Variants in SH3RF3 observed in about 807,000 individuals in gnomAD.
SH3RF3 encodes the protein SH3 domain containing ring finger 3, also known as E3 ubiquitin-protein ligase SH3RF3.
A neutral mutation model predicts 66.3 loss-of-function variants in SH3RF3; 29 were observed. The ratio of observed to expected loss-of-function variants is 0.44; its 90% CI spans 0.33 to 0.60. The LOEUF is 0.60. SH3RF3 is among the 20% of genes least tolerant of loss of function. The probability of loss-of-function intolerance (pLI) is 0.04; values close to 1 mark genes in which losing one functional copy is unlikely to be tolerated. For synonymous variants in SH3RF3, 583 were observed against 532.0 expected (o/e 1.10, Z -1.32); for missense variants, 1,194 against 1,190.9 (o/e 1.00, Z -0.04).
chr2:109,249,243 T>G (rs116238396), intron 1 of SH3RF3, among the ~76,000 whole-genome samples: 186 of 152,336 alleles, frequency 1.2e-3, no homozygotes, highest in Non-Finnish European at 2.2e-3. Context: ...CTGTTCTTTC[T>G]TCAGGTTTCT....
rs1027034796 is a variant in SH3RF3, at chr2:109,347,544, T to C, written c.574-130T>C. ...CTGTTTCTTTAAAATATTTTCCACT[T>C]GCGGGGCACTCTGTATGCACCCCCA... On this transcript the variant is annotated intron_variant, in intron 1 of 9. Coordinates refer to ENST00000309415, the MANE Select transcript of SH3RF3 (RefSeq NM_001099289.3). The C allele has an allele frequency of 2.4e-6, 3 of 1,244,666 alleles. No homozygotes were observed. In the Admixed American group the frequency reaches 8.4e-5, roughly 35 times the overall value. 77.1% of individuals were successfully genotyped at this position (1,244,666 alleles called of 1,614,324 possible). A position where few individuals can be genotyped will look rare whatever the true frequency, so the allele number is the denominator to read the frequency against.
At chr2:109,419,501 CTG>C (rs748592265) in intron 4 of SH3RF3, 36 bp from the exon 5 acceptor site, 4 of 1,546,328 alleles carry the variant, frequency 2.6e-6, no homozygotes, top group South Asian at 2.4e-5. Context: ...GATGGAGTCT[CTG>C]TCTCCTCACT....
At chr2:109,192,989 C>T (rs1431480551) in intron 1 of SH3RF3, among the ~76,000 whole-genome samples, 3 of 152,190 alleles carry the variant, frequency 2.0e-5, no homozygotes, top group African/African-American at 7.2e-5. Flanking sequence ...CCTCTTGTGA[C>T]TTGGAAACCT....
At chr2:109,316,719 CA>C (rs1264149113) in intron 1 of SH3RF3, among the ~76,000 whole-genome samples, 1 of 152,182 alleles carries the variant, frequency 6.6e-6, no homozygotes, top group Non-Finnish European at 1.5e-5. Flanking sequence ...CGGGTTTGGA[CA>C]AATCTATAAT....
At chr2:109,150,436 C>T (rs1363660053) in intron 1 of SH3RF3, among the ~76,000 whole-genome samples, 1 of 152,142 alleles carries the variant, frequency 6.6e-6, no homozygotes, top group African/African-American at 2.4e-5. Context: ...CTACTCTGCT[C>T]ATTATTTCAC....
intron 1 of SH3RF3, among the ~76,000 whole-genome samples, chr2:109,161,226 C>T (rs1677480324): frequency 6.6e-6 from 1 of 152,150 alleles, no homozygotes; most frequent in Non-Finnish European, 1.5e-5. Flanking sequence ...TGGGGAATCC[C>T]CACCTTATAA....
chr2:109,243,892 A>G (rs943649249), intron 1 of SH3RF3, among the ~76,000 whole-genome samples: 8 of 152,180 alleles, frequency 5.3e-5, no homozygotes, highest in Non-Finnish European at 1.2e-4. Context: ...TAGATGAGTG[A>G]GTAGTGAGTG....
intron 4 of SH3RF3, among the ~76,000 whole-genome samples, chr2:109,415,838 C>G (rs1434017017): frequency 6.6e-6 from 1 of 152,168 alleles, no homozygotes; most frequent in African/African-American, 2.4e-5. Flanking sequence ...CTCTGAAATT[C>G]ATGTTGAAAT....
At chr2:109,444,471 A>G (rs760938988) in intron 7 of SH3RF3, among the ~76,000 whole-genome samples, 1 of 152,208 alleles carries the variant, frequency 6.6e-6, no homozygotes. Flanking sequence ...TGTGAGAATC[A>G]GGGGACCAGA....
intron 1 of SH3RF3, among the ~76,000 whole-genome samples, chr2:109,270,580 C>T (rs1680601491): frequency 6.6e-6 from 1 of 152,150 alleles, no homozygotes; most frequent in Non-Finnish European, 1.5e-5. Flanking sequence ...CGTTTCAGGT[C>T]AAAGCGGACT....
chr2:109,170,519 T>C (rs529208473), intron 1 of SH3RF3, among the ~76,000 whole-genome samples: 3 of 152,178 alleles, frequency 2.0e-5, no homozygotes, highest in African/African-American at 2.4e-5. Flanking sequence ...CTAATTTTTG[T>C]ATTTTTAGTA....
At chr2:109,475,984 C>T (rs1261842185) in intron 8 of SH3RF3, among the ~76,000 whole-genome samples, 1 of 152,232 alleles carries the variant, frequency 6.6e-6, no homozygotes, top group Non-Finnish European at 1.5e-5. Flanking sequence ...GGAGCTGACT[C>T]TTCTTGCTCA....
chr2:109,427,462 G>T (rs764867893), intron 5 of SH3RF3, among the ~76,000 whole-genome samples: 3 of 152,160 alleles, frequency 2.0e-5, no homozygotes, highest in Non-Finnish European at 2.9e-5. Context: ...CCACAGGTAT[G>T]CCTGTACCTG....
chr2:109,471,808 CT>C (rs933076942), intron 8 of SH3RF3, among the ~76,000 whole-genome samples: 2 of 152,190 alleles, frequency 1.3e-5, no homozygotes, highest in Non-Finnish European at 2.9e-5. Context: ...CTTGTCCTGC[CT>C]TTTTGCATGG....
rs147995123 is a variant in SH3RF3, at chr2:109,261,686, G to A, written c.574-85988G>A. On this transcript the variant is annotated intron_variant, in intron 1 of 9. Coordinates refer to ENST00000309415, the MANE Select transcript of SH3RF3 (RefSeq NM_001099289.3). Reference sequence around the variant, plus strand: ...CCCCATGACGACAGGTAAAGCTTAGGACTCTTATTGAATTGGGTGTGTATT... The same window carrying A: ...CCCCATGACGACAGGTAAAGCTTAGAACTCTTATTGAATTGGGTGTGTATT... Among the ~76,000 whole-genome samples, 337 of 152,300 alleles carry A rather than the reference G, an allele frequency of 2.2e-3. 1 individual carries two copies. Among genetic ancestry groups the A allele is most frequent in the African/African-American group, 7.7e-3 (321 of 41,558 alleles).
chr2:109,230,690 C>T (rs532627198), intron 1 of SH3RF3, among the ~76,000 whole-genome samples: 7 of 152,250 alleles, frequency 4.6e-5, no homozygotes, highest in Admixed American at 2.6e-4. Context: ...AATCGTAAGT[C>T]GGGGATCATC....
At chr2:109,238,449 T>TTGTGTGTGTGTGTG (rs56112018) in intron 1 of SH3RF3, among the ~76,000 whole-genome samples, 9 of 142,714 alleles carry the variant, frequency 6.3e-5, no homozygotes, top group Admixed American at 4.9e-4. Context: ...TTATGTATAT[T>TTGTGTGTGTGTGTG]TGTGTGTGTG....
intron 1 of SH3RF3, among the ~76,000 whole-genome samples, chr2:109,249,588 C>CTTTCTTTCTTTT (rs1187569893): frequency 1.6e-4 from 22 of 134,558 alleles, no homozygotes; most frequent in African/African-American, 6.7e-4. Context: ...TCCTTCCTTT[C>CTTTCTTTCTTTT]CTTTCTTTCT....
At chr2:109,443,462 T>C (rs923223823) in intron 7 of SH3RF3, among the ~76,000 whole-genome samples, 2 of 152,226 alleles carry the variant, frequency 1.3e-5, no homozygotes, top group African/African-American at 4.8e-5. Flanking sequence ...CATGAATGTC[T>C]GAAAATAACT....
Sources: allele counts gnomAD v4.1 joint callset (sites outside exome capture counted in the v4.1 genomes callset), GRCh38; gene constraint gnomAD v4.1.1; transcripts MANE v1.5; gene names NCBI Gene and HGNC (gene_info 2026-07-23, HGNC 2026-07-21).